The following GRID2 variants were observed in gnomAD, a reference collection of about 807,000 sequenced individuals.
The protein encoded by GRID2 is glutamate ionotropic receptor delta type subunit 2, also known as glutamate receptor ionotropic, delta-2.
A neutral mutation model predicts 114.8 loss-of-function variants in GRID2; 33 were observed. That is an observed-to-expected ratio of 0.29 (90% confidence interval 0.22 to 0.38). The LOEUF is 0.38. GRID2 is among the 10% of genes least tolerant of loss of function. GRID2 has a pLI of 1.00. For missense variants in GRID2, 1,184 were observed against 1,257.7 expected (o/e 0.94, Z 0.89); for synonymous variants, 505 against 449.9 (o/e 1.12, Z -1.55).
At chr4:92,543,383 A>G (rs924866488) in intron 1 of GRID2, among the ~76,000 whole-genome samples, 1 of 152,202 alleles carries the variant, frequency 6.6e-6, no homozygotes, top group East Asian at 1.9e-4. Context: ...AACCAATTTC[A>G]AATAGTAAGT....
intron 1 of GRID2, among the ~76,000 whole-genome samples, chr4:92,415,258 T>G (rs1003974578): frequency 1.3e-5 from 2 of 152,114 alleles, no homozygotes; most frequent in African/African-American, 4.8e-5. Flanking sequence ...ATGTATTATC[T>G]TCTGTAGAGA....
intron 1 of GRID2, among the ~76,000 whole-genome samples, chr4:92,575,275 AAAGTTTGTTTTTATCTGC>A (rs1206527121): frequency 6.6e-6 from 1 of 152,190 alleles, no homozygotes; most frequent in Non-Finnish European, 1.5e-5. Flanking sequence ...TTAGCTCAGC[AAAGTTTGTTTTTATCTGC>A]ATTTTGAAGT....
chr4:92,640,729 A>C (rs1731300615), intron 2 of GRID2, among the ~76,000 whole-genome samples: 1 of 151,860 alleles, frequency 6.6e-6, no homozygotes, highest in African/African-American at 2.4e-5. Flanking sequence ...CACTTTTTGA[A>C]TCTAAGTCCC....
At chr4:93,441,685 TGG>T (rs1721633299) in intron 10 of GRID2, among the ~76,000 whole-genome samples, 1 of 151,932 alleles carries the variant, frequency 6.6e-6, no homozygotes, top group African/African-American at 2.4e-5. Flanking sequence ...AATGAATATT[TGG>T]AAGCAGAGCC....
At chr4:93,713,024 C>G (rs1385992117) in intron 14 of GRID2, among the ~76,000 whole-genome samples, 4 of 151,910 alleles carry the variant, frequency 2.6e-5, no homozygotes, top group Non-Finnish European at 5.9e-5. Flanking sequence ...TGTATATGAG[C>G]CATTTTCCTG....
chr4:93,485,066 A>T (rs1406387286), intron 11 of GRID2, among the ~76,000 whole-genome samples: 1 of 151,874 alleles, frequency 6.6e-6, no homozygotes, highest in Non-Finnish European at 1.5e-5. Context: ...TGATAGTCCC[A>T]TGTCCTTGCC....
chr4:93,308,724 T>G (rs1360860738), intron 8 of GRID2, among the ~76,000 whole-genome samples: 1 of 152,170 alleles, frequency 6.6e-6, no homozygotes, highest in Non-Finnish European at 1.5e-5. Context: ...TTTCTTACAA[T>G]GTACACAAAA....
intron 1 of GRID2, among the ~76,000 whole-genome samples, chr4:92,542,559 C>T (rs1011872950): frequency 6.6e-6 from 1 of 151,594 alleles, no homozygotes; most frequent in African/African-American, 2.4e-5. Context: ...TATGTTCTCA[C>T]TTATAAGTGA....
At chr4:92,415,740 GTATATATATATATATATATATA>G (rs70940888) in intron 1 of GRID2, among the ~76,000 whole-genome samples, 23 of 82,218 alleles carry the variant, frequency 2.8e-4, no homozygotes, top group Middle Eastern at 7.9e-3. Context: ...GTGTATGTGT[GTATATATATATATATATATATA>G]TATATATATA....
In GRID2 at chr4:93,668,102, G is replaced by T. The variant is rs557037381; in HGVS notation, c.2360+41667G>T. Among the ~76,000 whole-genome samples, 99 of 151,944 alleles carry T rather than the reference G, an allele frequency of 6.5e-4. 1 individual carries two copies. The highest frequency in any genetic ancestry group is 3.4e-3 in the Middle Eastern group (1 of 294). On this transcript the variant is annotated intron_variant, in intron 14 of 15. Transcript: ENST00000282020. ...AATGACTTGTTATGCATTAGCTATG[G>T]CCAACAATAGCTTAGTAATATTTTA...
intron 13 of GRID2, among the ~76,000 whole-genome samples, chr4:93,582,230 T>C (rs1737052874): frequency 6.6e-6 from 1 of 152,080 alleles, no homozygotes; most frequent in African/African-American, 2.4e-5. Flanking sequence ...ACTCAAAGCC[T>C]TTTCCTCCAT....
chr4:92,999,374 G>A (rs1755403919), intron 2 of GRID2, among the ~76,000 whole-genome samples: 1 of 151,768 alleles, frequency 6.6e-6, no homozygotes, highest in Non-Finnish European at 1.5e-5. Flanking sequence ...GCTTTTAACA[G>A]ATTTTTAACA....
At position 93,396,838 on chromosome 4, in the gene GRID2, C is replaced by T. The variant is rs1030443639; in HGVS notation, c.1347+1130C>T. ...GCTCTGTCTAAATAGCCATAAACCA[C>T]GAAGGCATACATTCTCCTTTGCTAT... On this transcript the variant is annotated intron_variant, in intron 9 of 15. Transcript: ENST00000282020. Among the ~76,000 whole-genome samples the T allele has an allele frequency of 1.6e-4, 25 of 152,114 alleles. No individual in the cohort carries two copies. In the South Asian group the frequency reaches 2.3e-3, roughly 14 times the overall value.
At position 93,376,104 on chromosome 4, in the gene GRID2, C is replaced by G. The variant is rs1010992384; in HGVS notation, c.1246-19503C>G. Among the ~76,000 whole-genome samples the G allele has an allele frequency of 3.3e-5, 5 of 152,152 alleles. No individual in the cohort carries two copies. In the South Asian group the frequency reaches 1.0e-3, roughly 32 times the overall value. Reference sequence around the variant, plus strand: ...TTAGTTTTGGGCCCACCCATATGATCTCACTTAACCATAATTATCTTCTTT... The same window carrying G: ...TTAGTTTTGGGCCCACCCATATGATGTCACTTAACCATAATTATCTTCTTT... On this transcript the variant is annotated intron_variant, in intron 8 of 15. Transcript: ENST00000282020.
chr4:92,345,300 A>G (rs1293015474), intron 1 of GRID2, among the ~76,000 whole-genome samples: 1 of 152,226 alleles, frequency 6.6e-6, no homozygotes, highest in Non-Finnish European at 1.5e-5. Flanking sequence ...CATTCCATTT[A>G]TGGCTGAGTA....
In GRID2 at chr4:93,515,293, G is replaced by A. The variant is rs747630568; in HGVS notation, c.2075G>A (p.Arg692His). ...VLDSAVYEHV[R>H]MKGLNPFERD... is the part of the protein sequence containing the mutation. ...GACTCTGCGGTATATGAGCATGTCC[G>A]CATGAAAGGACTGAATCCTTTTGAG... The change falls in exon 13 of 16, where the codon CGC becomes CAC. Residue 692 changes from arginine to histidine, a missense_variant. Physicochemically the swap from Arg to His is conservative, Grantham distance 29. Coordinates refer to ENST00000282020, the MANE Select transcript of GRID2 (RefSeq NM_001510.4). The A allele has an allele frequency of 2.4e-5, 38 of 1,609,190 alleles. 1 individual carries two copies. Among genetic ancestry groups the A allele is most frequent in the South Asian group, 1.4e-4 (13 of 90,980 alleles).
At chr4:92,689,385 T>C (rs1360701095) in intron 2 of GRID2, among the ~76,000 whole-genome samples, 1 of 152,202 alleles carries the variant, frequency 6.6e-6, no homozygotes, top group African/African-American at 2.4e-5. Context: ...TTATTTAATG[T>C]AGCCACCTTC....
chr4:92,702,439 T>C (rs983553686), intron 2 of GRID2: 2 of 152,106 alleles, frequency 1.3e-5, no homozygotes, highest in African/African-American at 4.8e-5. Context: ...TACATACAAC[T>C]ATGCAAAGGA....
At chr4:92,474,317 A>G (rs1410454418) in intron 1 of GRID2, among the ~76,000 whole-genome samples, 1 of 152,028 alleles carries the variant, frequency 6.6e-6, no homozygotes, top group Non-Finnish European at 1.5e-5. Flanking sequence ...AATGTCCTCC[A>G]GTTTCATCCA....
Sources: gnomAD v4.1 joint callset for allele counts (sites outside exome capture counted in the v4.1 genomes callset) on GRCh38, gnomAD v4.1.1 for gene constraint, MANE v1.5 for transcripts, NCBI Gene and HGNC (gene_info 2026-07-23, HGNC 2026-07-21) for gene names.